ELMO2: variants seen among roughly 807,000 people sequenced by gnomAD.
ELMO2 encodes the protein engulfment and cell motility 2.
Under a neutral mutation model 96.2 loss-of-function variants are expected in ELMO2, and 37 were observed. The observed-to-expected ratio is 0.38, with a 90% CI of 0.30 to 0.51. The LOEUF (loss-of-function observed/expected upper bound fraction) is 0.51. Among genes scored for constraint, ELMO2 ranks in the 20% least tolerant of loss-of-function variants. The pLI is 0.88. For synonymous variants in ELMO2, 315 were observed against 329.4 expected, an observed-to-expected ratio of 0.96 and a Z score of 0.47; for missense variants, 561 against 912.6, an observed-to-expected ratio of 0.61 and a Z score of 4.96.
At chr20:46,370,582 T>A in intron 19 of ELMO2, 57 bp from the exon 20 acceptor site, 1 of 1,525,326 alleles carries the variant, frequency 6.6e-7, no homozygotes, top group Non-Finnish European at 9.1e-7. Flanking sequence ...GGTCAGTGCC[T>A]ACATCAGTGC....
intron 6 of ELMO2, among the ~76,000 whole-genome samples, chr20:46,391,050 A>T (rs2060142083): frequency 6.6e-6 from 1 of 152,206 alleles, no homozygotes; most frequent in African/African-American, 2.4e-5. Flanking sequence ...CTCCAGAGAG[A>T]TGTGCTTCTG....
At chr20:46,386,445 C>A (rs1333997660) in intron 8 of ELMO2, among the ~76,000 whole-genome samples, 170 bp from the exon 9 acceptor site, 1 of 152,306 alleles carries the variant, frequency 6.6e-6, no homozygotes, top group South Asian at 2.1e-4. Context: ...GCCAGGGATT[C>A]CCTTGGCATG....
In ELMO2 at chr20:46,371,729, G is replaced by A. The variant is rs1568748536; in HGVS notation, c.1581-38C>T. 1.2e-6 allele frequency: 2 copies of A among 1,613,704 alleles called. No individual in the cohort carries two copies. The highest frequency in any genetic ancestry group is 1.7e-6 in the Non-Finnish European group (2 of 1,179,900). On this transcript the variant is annotated intron_variant, in intron 17 of 21. Coordinates refer to ENST00000290246, the MANE Select transcript of ELMO2 (RefSeq NM_133171.5). This position sits in a 1 kb window ranked among gnomAD's most constrained non-coding sequence, Gnocchi z 5.9. ...CACACTGGAGTGAGCGGAAGGTCATGGGGACAGTGGAGCTCTGGAAGGAAA... is the reference window on the plus strand; with the variant it reads ...CACACTGGAGTGAGCGGAAGGTCATAGGGACAGTGGAGCTCTGGAAGGAAA...
rs185980903 is a variant in ELMO2, at chr20:46,384,811, A to T, written c.677+1313T>A. Among the ~76,000 whole-genome samples the T allele has an allele frequency of 2.5e-3, 374 of 151,984 alleles. 7 individuals are homozygous for T. The highest frequency in any genetic ancestry group is 4.9e-4 in the Non-Finnish European group (33 of 67,968). ...CTGTCTCTACAAAAATAAAAAAAAA[A>T]AAAAAACTAGCCAGGTGTTGTGGAG... On this transcript the variant is annotated intron_variant, in intron 9 of 21. Coordinates refer to ENST00000290246, the MANE Select transcript of ELMO2 (RefSeq NM_133171.5).
chr20:46,400,376 T>G (rs2060315728), intron 1 of ELMO2, among the ~76,000 whole-genome samples: 1 of 152,238 alleles, frequency 6.6e-6, no homozygotes, highest in African/African-American at 2.4e-5. Context: ...TTCCAGCACG[T>G]GTTTGCTTAC....
chr20:46,397,868 T>C (rs2060273400), intron 2 of ELMO2, among the ~76,000 whole-genome samples: 1 of 151,994 alleles, frequency 6.6e-6, no homozygotes, highest in African/African-American at 2.4e-5. Flanking sequence ...GCAGGAGGAA[T>C]CCATAAATAT....
intron 1 of ELMO2, among the ~76,000 whole-genome samples, chr20:46,401,247 T>C (rs557747143): frequency 2.0e-5 from 3 of 152,162 alleles, no homozygotes; most frequent in African/African-American, 4.8e-5. Context: ...TTCAGTCCAC[T>C]GAATGACGAT....
intron 7 of ELMO2, 152 bp downstream of exon 7, chr20:46,388,887 C>T: frequency 1.4e-6 from 1 of 691,260 alleles, no homozygotes; most frequent in South Asian, 1.9e-5. Context: ...AATTATATAT[C>T]TTGGTATGGA....
chr20:46,380,300 T>C lies in ELMO2; in HGVS notation c.760A>G (p.Met254Val). The change falls in exon 11 of 22, where the codon ATG becomes GTG. Residue 254 changes from methionine to valine, a missense_variant. Met to Val is a conservative substitution (Grantham distance 21). Coordinates refer to ENST00000290246, the MANE Select transcript of ELMO2 (RefSeq NM_133171.5). ...TGCTTCTGTGCAAATGCATTTGCCA[T>C]ATCCTGTGGAGGAAAATAAGCAAAT... ...LKAPEDKRQD[M>V]ANAFAQKHLR... The C allele has an allele frequency of 6.2e-7, 1 of 1,612,970 alleles. No homozygotes were observed. The highest frequency in any genetic ancestry group is 8.5e-7 in the Non-Finnish European group (1 of 1,179,088).
chr20:46,395,695 C>T (rs984656812), intron 2 of ELMO2, among the ~76,000 whole-genome samples: 5 of 152,182 alleles, frequency 3.3e-5, no homozygotes, highest in African/African-American at 4.8e-5. Flanking sequence ...ACAAGCCCAT[C>T]GGCCTCAGAA....
chr20:46,369,369 C>T (rs1318385611), intron 20 of ELMO2: 13 of 169,026 alleles, frequency 7.7e-5, no homozygotes, highest in African/African-American at 3.1e-4. Flanking sequence ...AACACACACA[C>T]ACACAAAATT....
intron 8 of ELMO2, among the ~76,000 whole-genome samples, chr20:46,387,105 T>C (rs1485773451): frequency 6.6e-6 from 1 of 152,198 alleles, no homozygotes; most frequent in African/African-American, 2.4e-5. Flanking sequence ...TAATTCTACT[T>C]TGATCATATT....
chr20:46,369,875 TG>T (rs2059660461), intron 20 of ELMO2: 9 of 40,790 alleles, frequency 2.2e-4, no homozygotes, highest in South Asian at 1.3e-3. Flanking sequence ...GAAAAGATGG[TG>T]GGGGATGGGG....
At chr20:46,391,206 G>C (rs576635200) in intron 6 of ELMO2, among the ~76,000 whole-genome samples, 1 of 152,312 alleles carries the variant, frequency 6.6e-6, no homozygotes, top group African/African-American at 2.4e-5. Context: ...CAGGAGAAGA[G>C]GGGGAGGCAG....
intron 9 of ELMO2, 146 bp from the exon 10 acceptor site, chr20:46,383,640 C>T: frequency 1.3e-6 from 1 of 753,720 alleles, no homozygotes. Flanking sequence ...AGTGGGCATG[C>T]TCTTGACCCA....
rs1261194837 is a variant in ELMO2, at chr20:46,386,207, C to T, written c.594G>A (p.Glu198=). 1.9e-6 allele frequency: 3 copies of T among 1,614,054 alleles called. No homozygotes were observed. In the African/African-American group the frequency reaches 4.0e-5, roughly 22 times the overall value. Residue 198 remains glutamate (E), a synonymous_variant, in exon 9 of 22, where the codon GAG becomes GAA. Coordinates refer to ENST00000290246, the MANE Select transcript of ELMO2 (RefSeq NM_133171.5). ...SILQRSLAIL[E]SMVLNSQSLY... ...GACTCTGGCTGTTCAAGACCATGCTCTCCAGGATGGCCAGGGACCTCTGAA... is the reference window on the plus strand; with the variant it reads ...GACTCTGGCTGTTCAAGACCATGCTTTCCAGGATGGCCAGGGACCTCTGAA...
intron 1 of ELMO2, among the ~76,000 whole-genome samples, chr20:46,405,738 G>GTATTT (rs2060425286): frequency 1.3e-5 from 2 of 152,174 alleles, no homozygotes; most frequent in African/African-American, 4.8e-5. Flanking sequence ...ACAAAAATTA[G>GTATTT]CTGGGCGTGG....
chr20:46,376,698 A>G, intron 11 of ELMO2: 1 of 1,289,160 alleles, frequency 7.8e-7, no homozygotes, highest in Non-Finnish European at 1.0e-6. Context: ...CCTCTGTCTC[A>G]CCCACCATTA....
In ELMO2 at chr20:46,371,942, T is replaced by C. The variant is rs201222160; in HGVS notation, c.1444A>G (p.Thr482Ala). The C allele has an allele frequency of 8.2e-5, 133 of 1,613,968 alleles. No homozygotes were observed. Among genetic ancestry groups the C allele is most frequent in the Admixed American group, 2.8e-4 (17 of 60,024 alleles). The change falls in exon 17 of 22, where the codon ACT becomes GCT. Residue 482 changes from threonine (T) to alanine (A), a missense_variant. Physicochemically the swap from Thr to Ala is moderately conservative, Grantham distance 58. Coordinates refer to ENST00000290246, the MANE Select transcript of ELMO2 (RefSeq NM_133171.5). This position sits in a 1 kb window ranked among gnomAD's most constrained non-coding sequence, Gnocchi z 5.9. ...TTGGGTTTGGAGGGCAAAGCTCGAG[T>C]GATTTGCTCTCGGACGACTTGCATA... ...KVMQVVREQITRALPSKPNSL... is the reference protein window; with the variant it reads ...KVMQVVREQIARALPSKPNSL...
Sources: gnomAD v4.1 joint callset for allele counts (sites outside exome capture counted in the v4.1 genomes callset) on GRCh38, gnomAD v4.1.1 for gene constraint, Gnocchi (gnomAD v3.1) non-coding constraint, MANE v1.5 for transcripts, NCBI Gene and HGNC (gene_info 2026-07-23, HGNC 2026-07-21) for gene names.